FAT3: variants seen among roughly 807,000 people sequenced by gnomAD.
FAT3 encodes protocadherin Fat 3.
A neutral mutation model predicts 310.2 loss-of-function variants in FAT3; 95 were observed. The ratio of observed to expected loss-of-function variants is 0.31; its 90% CI spans 0.26 to 0.36. The LOEUF (loss-of-function observed/expected upper bound fraction) is 0.36, where lower values mean the gene tolerates loss of function less well. FAT3 is among the 10% of genes least tolerant of loss of function. The pLI, the probability that FAT3 is intolerant of heterozygous loss-of-function variation, is 1.00. For synonymous variants in FAT3, 2,314 were observed against 2,192.9 expected, an observed-to-expected ratio of 1.06 and a Z score of -1.54; for missense variants, 5,408 against 5,715.6, an observed-to-expected ratio of 0.95 and a Z score of 1.74.
At chr11:92,731,116 C>A (rs951133918) in intron 4 of FAT3, among the ~76,000 whole-genome samples, 1 of 152,174 alleles carries the variant, frequency 6.6e-6, no homozygotes, top group African/African-American at 2.4e-5. Flanking sequence ...CACCCTTTAT[C>A]CTCCTCCTAA....
At chr11:92,578,581 T>G (rs910269976) in intron 3 of FAT3, among the ~76,000 whole-genome samples, 3 of 152,138 alleles carry the variant, frequency 2.0e-5, no homozygotes, top group African/African-American at 7.2e-5. Context: ...GATCTCCCTT[T>G]TGATAATGGA....
rs186468354 is a variant in FAT3, at chr11:92,622,351, T to C, written c.3608-75033T>C. On this transcript the variant is annotated intron_variant, in intron 3 of 27. Coordinates refer to ENST00000525166, the MANE Select transcript of FAT3 (RefSeq NM_001367949.2). ...TTAATGCAGTTAATTCTCTTAGTAA[T>C]AAAATTATTTTTGTACTAAATAGTA... 4.6e-5 allele frequency among the ~76,000 whole-genome samples: 7 copies of C among 152,230 alleles called. No individual in the cohort carries two copies. The East Asian group carries it at 1.3e-3, about 29-fold the overall frequency.
At position 92,736,124 on chromosome 11, in the gene FAT3, G is replaced by A. The variant is rs376254616; in HGVS notation, c.3670-25732G>A. 4.6e-5 allele frequency among the ~76,000 whole-genome samples: 7 copies of A among 152,122 alleles called. No homozygotes were observed. In the South Asian group the frequency reaches 1.0e-3, roughly 23 times the overall value. ...CTGATCCTTCTTGAGCTTCTGCACAGTTCCTAGTTGGGAGCTGAGTTACTC... is the reference window on the plus strand; with the variant it reads ...CTGATCCTTCTTGAGCTTCTGCACAATTCCTAGTTGGGAGCTGAGTTACTC... On this transcript the variant is annotated intron_variant, in intron 4 of 27. Coordinates refer to ENST00000525166, the MANE Select transcript of FAT3 (RefSeq NM_001367949.2).
chr11:92,837,859 C>G, intron 17 of FAT3, 53 bp downstream of exon 17: 1 of 1,607,628 alleles, frequency 6.2e-7, no homozygotes, highest in Non-Finnish European at 8.5e-7. Context: ...AGCTTTCTTC[C>G]TCTGCTGTGG....
chr11:92,356,846 G>GA (rs1319038371), intron 2 of FAT3, among the ~76,000 whole-genome samples: 1 of 152,030 alleles, frequency 6.6e-6, no homozygotes, highest in Non-Finnish European at 1.5e-5. Context: ...CACAATACCA[G>GA]AAAAAATGAT....
chr11:92,580,765 G>A (rs1325355040), intron 3 of FAT3, among the ~76,000 whole-genome samples: 2 of 152,094 alleles, frequency 1.3e-5, no homozygotes, highest in East Asian at 1.9e-4. Flanking sequence ...CCCCACTTTT[G>A]CCATTGTGGT....
intron 3 of FAT3, among the ~76,000 whole-genome samples, chr11:92,652,303 C>G (rs1348482095): frequency 2.0e-5 from 3 of 152,294 alleles, no homozygotes; most frequent in Non-Finnish European, 4.4e-5. Context: ...CTCATTGAAA[C>G]CACAGGCCAT....
rs1591751545 is a variant in FAT3 at position 92,800,253 on chromosome 11, A to C, written c.7240A>C (p.Thr2414Pro). The C allele has an allele frequency of 6.2e-7, 1 of 1,613,932 alleles. No homozygotes were observed. Among genetic ancestry groups the C allele is most frequent in the Non-Finnish European group, 8.5e-7 (1 of 1,179,858 alleles). Reference sequence around the variant, plus strand: ...ATTAGCCCCCCGGGGCCATTTTGTAACCTGTGTACAAGCCTCTGATGCAGA... The same window carrying C: ...ATTAGCCCCCCGGGGCCATTTTGTACCCTGTGTACAAGCCTCTGATGCAGA... Reference protein sequence around the residue: ...SELAPRGHFVTCVQASDADSS... With the variant: ...SELAPRGHFVPCVQASDADSS... Residue 2414 changes from threonine (T) to proline (P), a missense_variant, in exon 10 of 28, where the codon ACC (threonine) becomes CCC (proline). Transcript: ENST00000525166.
intron 21 of FAT3, 104 bp downstream of exon 21, chr11:92,859,426 G>C (rs1490124039): frequency 8.2e-7 from 1 of 1,220,036 alleles, no homozygotes; most frequent in Non-Finnish European, 1.1e-6. Flanking sequence ...AAGTTCAGAA[G>C]ACCAGAAGCA....
At chr11:92,832,365 C>T (rs1948286940) in intron 14 of FAT3, among the ~76,000 whole-genome samples, 1 of 151,874 alleles carries the variant, frequency 6.6e-6, no homozygotes, top group African/African-American at 2.4e-5. Flanking sequence ...GAATGCAGGA[C>T]TTCACTATAT....
At chr11:92,480,416 T>C (rs1952190065) in intron 2 of FAT3, among the ~76,000 whole-genome samples, 7 of 152,128 alleles carry the variant, frequency 4.6e-5, no homozygotes. Context: ...TACCAGAGCT[T>C]TTACCCATGA....
intron 2 of FAT3, among the ~76,000 whole-genome samples, chr11:92,446,315 A>G (rs1951207142): frequency 6.6e-6 from 1 of 152,194 alleles, no homozygotes; most frequent in East Asian, 1.9e-4. Flanking sequence ...TGAGGAAATT[A>G]TGATCAGGTG....
intron 3 of FAT3, among the ~76,000 whole-genome samples, chr11:92,623,440 G>C (rs576206891): frequency 1.3e-5 from 2 of 152,230 alleles, no homozygotes; most frequent in African/African-American, 4.8e-5. Flanking sequence ...TTGAGGAACT[G>C]GTCTTAAATC....
chr11:92,372,293 G>T (rs1177055495), intron 2 of FAT3, among the ~76,000 whole-genome samples: 1 of 151,702 alleles, frequency 6.6e-6, no homozygotes, highest in Non-Finnish European at 1.5e-5. Context: ...TTCTGTGGTA[G>T]GAACAGAGAG....
intron 1 of FAT3, among the ~76,000 whole-genome samples, chr11:92,337,028 G>A (rs1054414268): frequency 6.6e-6 from 1 of 152,106 alleles, no homozygotes; most frequent in Non-Finnish European, 1.5e-5. Context: ...TACTTCCCTG[G>A]TGAGGCTGGT....
intron 2 of FAT3, among the ~76,000 whole-genome samples, chr11:92,433,847 T>TA (rs111268135): frequency 0.11 from 15,669 of 148,008 alleles, 990 homozygotes; most frequent in African/African-American, 0.17. Context: ...CATCTCTGCT[T>TA]AAAAAAAAAA....
chr11:92,712,477 A>C (rs1352908286), intron 4 of FAT3, among the ~76,000 whole-genome samples: 2 of 152,202 alleles, frequency 1.3e-5, no homozygotes, highest in African/African-American at 2.4e-5. Flanking sequence ...TAATTCATGA[A>C]TATGAGTCTG....
At chr11:92,727,786 T>C (rs1250474525) in intron 4 of FAT3, among the ~76,000 whole-genome samples, 2 of 152,200 alleles carry the variant, frequency 1.3e-5, no homozygotes, top group Non-Finnish European at 2.9e-5. Context: ...CCACTTTCCA[T>C]GTGCTTCTCT....
intron 11 of FAT3, 103 bp downstream of exon 11, chr11:92,805,452 T>A: frequency 8.0e-7 from 1 of 1,257,134 alleles, no homozygotes; most frequent in Non-Finnish European, 1.1e-6. Flanking sequence ...TCTGCTCTTA[T>A]CTGCAATTGG....
Sources: gnomAD v4.1 joint callset for allele counts (sites outside exome capture counted in the v4.1 genomes callset) on GRCh38, gnomAD v4.1.1 for gene constraint, MANE v1.5 for transcripts, NCBI Gene and HGNC (gene_info 2026-07-23, HGNC 2026-07-21) for gene names.